Variants in BATF3 observed in about 807,000 individuals in gnomAD.
BATF3 encodes basic leucine zipper transcriptional factor ATF-like 3.
Under a neutral mutation model 16.1 loss-of-function variants are expected in BATF3, and 8 were observed. That is an observed-to-expected ratio of 0.50 (90% CI 0.29 to 0.90). The LOEUF is 0.90. BATF3 is among the 40% of genes least tolerant of loss of function. BATF3 has a pLI of 0.08. For missense variants in BATF3, 139 were observed against 167.0 expected, an observed-to-expected ratio of 0.83 and a Z score of 0.92; for synonymous variants, 74 against 72.7, an observed-to-expected ratio of 1.02 and a Z score of -0.09.
At chr1:212,688,355 C>G (rs1218040123) in intron 2 of BATF3, among the ~76,000 whole-genome samples, 4 of 152,136 alleles carry the variant, frequency 2.6e-5, no homozygotes, top group African/African-American at 9.7e-5. Flanking sequence ...GAGACCATGC[C>G]AAGGGCAAAT....
At chr1:212,697,771 A>G (rs1382014508) in intron 1 of BATF3, 2 of 152,224 alleles carry the variant, frequency 1.3e-5, no homozygotes, top group Non-Finnish European at 2.9e-5. Context: ...CTCAATAGTG[A>G]TCATGAAACA....
chr1:212,699,243 T>C lies in BATF3; in HGVS notation c.90+430A>G, dbSNP rs1223087260. Among the ~76,000 whole-genome samples the C allele has an allele frequency of 1.4e-5, 2 of 147,322 alleles. No individual in the cohort carries two copies. The highest frequency in any genetic ancestry group is 4.0e-4 in the East Asian group (2 of 5,014). On this transcript the variant is annotated intron_variant, in intron 1 of 2. Transcript: ENST00000243440. The surrounding 1 kb of genome is among the most constrained non-coding windows in gnomAD (Gnocchi z 4.4). ...AGGCTGACTAGTCCGGCGTTCTCCA[T>C]TCCCGCGGCAGCACCCCCCCCACCC...
rs1656857478 is a variant in BATF3 at position 212,686,684 on chromosome 1, G to A, written c.*107C>T. 2.6e-5 allele frequency: 38 copies of A among 1,445,550 alleles called. No homozygotes were observed. Among genetic ancestry groups the A allele is most frequent in the Non-Finnish European group, 3.5e-5 (38 of 1,098,310 alleles). 89.5% of individuals were successfully genotyped at this position (1,445,550 alleles called of 1,614,324 possible). ...TGGCTGGTCCTGGAGCTCCCAGGAG[G>A]AGGCCTGGCCACAGGTGCCCCCTGT... On this transcript the variant is annotated 3_prime_UTR_variant, in exon 3 of 3. Coordinates refer to ENST00000243440, the MANE Select transcript of BATF3 (RefSeq NM_018664.3).
At chr1:212,687,123 C>T (rs1656867549) in intron 2 of BATF3, 144 bp from the exon 3 acceptor site, 5 of 642,068 alleles carry the variant, frequency 7.8e-6, no homozygotes, top group Admixed American at 5.1e-5. Context: ...AGATATTTGT[C>T]TATTTGATGA....
At chr1:212,688,501 AG>A (rs1193017142) in intron 2 of BATF3, among the ~76,000 whole-genome samples, 1 of 152,230 alleles carries the variant, frequency 6.6e-6, no homozygotes, top group Non-Finnish European at 1.5e-5. Flanking sequence ...ATGGGGCTTA[AG>A]GGTAGGATTT....
chr1:212,697,122 G>A, intron 1 of BATF3, 57 bp from the exon 2 acceptor site: 1 of 1,377,274 alleles, frequency 7.3e-7, no homozygotes, highest in Non-Finnish European at 1.0e-6. Flanking sequence ...ACCCTTTTCT[G>A]CCCTGTCTCA....
chr1:212,699,639 C>G lies in BATF3; in HGVS notation c.90+34G>C. On this transcript the variant is annotated intron_variant, in intron 1 of 2. Transcript: ENST00000243440. This position sits in a 1 kb window ranked among gnomAD's most constrained non-coding sequence, Gnocchi z 4.4. ...CCCCCGCGGCGCGCCGGTCCCCGCACCCCACGGCCCTCCCTGAGCCTCTCG... is the reference window on the plus strand; with the variant it reads ...CCCCCGCGGCGCGCCGGTCCCCGCAGCCCACGGCCCTCCCTGAGCCTCTCG... 1.6e-6 allele frequency: 2 copies of G among 1,285,696 alleles called. No homozygotes were observed. Among genetic ancestry groups the G allele is most frequent in the African/African-American group, 1.5e-5 (1 of 64,692 alleles). 79.6% of individuals were successfully genotyped at this position (1,285,696 alleles called of 1,614,324 possible).
intron 2 of BATF3, among the ~76,000 whole-genome samples, chr1:212,692,509 C>T (rs1657023776): frequency 6.6e-6 from 1 of 152,170 alleles, no homozygotes; most frequent in South Asian, 2.1e-4. Context: ...GTGATCTCGG[C>T]TCACTGCAAC....
rs567901919 is a variant in BATF3, at chr1:212,689,218, C to T, written c.196-2239G>A. ...CCTCTCCTCTACCCCCTGCCTGATGCGCCACAGCACCAGCACCTACATGCT... is the reference window on the plus strand; with the variant it reads ...CCTCTCCTCTACCCCCTGCCTGATGTGCCACAGCACCAGCACCTACATGCT... On this transcript the variant is annotated intron_variant, in intron 2 of 2. Transcript: ENST00000243440. The surrounding 1 kb of genome is among the most constrained non-coding windows in gnomAD (Gnocchi z 4.6). Among the ~76,000 whole-genome samples, 26 of 152,336 alleles carry T rather than the reference C, an allele frequency of 1.7e-4. 1 individual carries two copies. The South Asian group carries it at 3.7e-3, about 22-fold the overall frequency.
rs1657201890 is a variant in BATF3 at position 212,699,223 on chromosome 1, G to A, written c.90+450C>T. ...TTTGTGGGTTCCCTCCGCCCAGGCT[G>A]ACTAGTCCGGCGTTCTCCATTCCCG... is the stretch of plus-strand genomic sequence containing the variant. On this transcript the variant is annotated intron_variant, in intron 1 of 2. Coordinates refer to ENST00000243440, the MANE Select transcript of BATF3 (RefSeq NM_018664.3). This position sits in a 1 kb window ranked among gnomAD's most constrained non-coding sequence, Gnocchi z 4.4. 6.6e-6 allele frequency among the ~76,000 whole-genome samples: 1 copy of A among 152,106 alleles called. No individual in the cohort carries two copies. Among genetic ancestry groups the A allele is most frequent in the Non-Finnish European group, 1.5e-5 (1 of 68,012 alleles).
Position 212,699,590 on chromosome 1 carries a change from G to T in BATF3, c.90+83C>A. ...CTGCACCTCCGCAGTCACCACCACG[G>T]AACTCCAGCACCCACCTCCTCGCCC... On this transcript the variant is annotated intron_variant, in intron 1 of 2. Coordinates refer to ENST00000243440, the MANE Select transcript of BATF3 (RefSeq NM_018664.3). The surrounding 1 kb of genome is among the most constrained non-coding windows in gnomAD (Gnocchi z 4.4). 1 of 1,139,144 alleles carries T rather than the reference G, an allele frequency of 8.8e-7. No homozygotes were observed. The highest frequency in any genetic ancestry group is 1.1e-6 in the Non-Finnish European group (1 of 897,898). The allele number at this position is 1,139,144 out of a possible 1,614,324, so 70.6% of individuals were successfully genotyped here. A position where few individuals can be genotyped will look rare whatever the true frequency, so the allele number is the denominator to read the frequency against.
chr1:212,690,005 TCA>T (rs1656964806), intron 2 of BATF3, among the ~76,000 whole-genome samples: 1 of 150,360 alleles, frequency 6.7e-6, no homozygotes, highest in Admixed American at 6.6e-5. Flanking sequence ...TACATACACC[TCA>T]CACAGTCACA....
At chr1:212,690,646 G>A (rs543106149) in intron 2 of BATF3, among the ~76,000 whole-genome samples, 5 of 152,252 alleles carry the variant, frequency 3.3e-5, no homozygotes, top group East Asian at 1.9e-4. Flanking sequence ...TGGAGTAAAC[G>A]CAAACAAAAA....
rs1428360998 is a variant in BATF3, at chr1:212,697,477, T to C, written c.91-412A>G. 10 of 43,448 alleles carry C rather than the reference T, an allele frequency of 2.3e-4. No individual in the cohort carries two copies. In the South Asian group the frequency reaches 7.9e-3, roughly 35 times the overall value. 2.7% of individuals were successfully genotyped at this position (43,448 alleles called of 1,614,324 possible). A position where few individuals can be genotyped will look rare whatever the true frequency, so the allele number is the denominator to read the frequency against. On this transcript the variant is annotated intron_variant, in intron 1 of 2. Transcript: ENST00000243440. ...CTGAGACTGGAAAGCTGGGTGGGGG[T>C]GGGGGGCGGTGGAGAGATCTGCTAT...
chr1:212,697,316 T>C, intron 1 of BATF3: 1 of 384,696 alleles, frequency 2.6e-6, no homozygotes, highest in Non-Finnish European at 4.8e-6. Context: ...GTTAAGGACC[T>C]TGCTCCAGGT....
intron 2 of BATF3, among the ~76,000 whole-genome samples, chr1:212,687,209 G>T (rs1656870957): frequency 6.6e-6 from 1 of 152,156 alleles, no homozygotes; most frequent in African/African-American, 2.4e-5. Flanking sequence ...TCTATTTTAA[G>T]TATGATCCAG....
chr1:212,686,907 G>A lies in BATF3; in HGVS notation c.268C>T (p.His90Tyr), dbSNP rs760163247. Residue 90 changes from histidine to tyrosine, a missense_variant, in exon 3 of 3, where the codon CAC becomes TAC. By Grantham distance (83) the His-to-Tyr change is moderately conservative (BLOSUM62 2). Transcript: ENST00000243440. ...EIGKLTEELK[H>Y]LTEALKEHEK... ...TGCTCCTTCAGTGCCTCTGTCAGGT[G>A]CTTCAGCTCCTCTGTCAGCTTCCCG... The A allele has an allele frequency of 2.5e-6, 4 of 1,614,192 alleles. No individual in the cohort carries two copies. The highest frequency in any genetic ancestry group is 3.4e-6 in the Non-Finnish European group (4 of 1,180,020).
chr1:212,699,742 G>C lies in BATF3; in HGVS notation c.21C>G (p.Ala7=). The C allele has an allele frequency of 7.7e-7, 1 of 1,300,252 alleles. No individual in the cohort carries two copies. Among genetic ancestry groups the C allele is most frequent in the Non-Finnish European group, 9.8e-7 (1 of 1,021,704 alleles). The allele number at this position is 1,300,252 out of a possible 1,614,324, so 80.5% of individuals were successfully genotyped here. A position where few individuals can be genotyped will look rare whatever the true frequency, so the allele number is the denominator to read the frequency against. The stretch of plus-strand genomic sequence containing the variant: ...CGCTCCTCTGCAGGACGCTGCCGGC[G>C]GCCGGGAGCCCTTGCGACATGCCGG... MSQGLP[A]AGSVLQRSVA... The change falls in exon 1 of 3, where the codon GCC becomes GCG. Residue 7 remains alanine, a synonymous_variant. Coordinates refer to ENST00000243440, the MANE Select transcript of BATF3 (RefSeq NM_018664.3). This position sits in a 1 kb window ranked among gnomAD's most constrained non-coding sequence, Gnocchi z 4.4.
rs1656857838 is a variant in BATF3, at chr1:212,686,703, C to T, written c.*88G>A. The T allele has an allele frequency of 6.8e-6, 10 of 1,481,206 alleles. No individual in the cohort carries two copies. Among genetic ancestry groups the T allele is most frequent in the Non-Finnish European group, 9.0e-6 (10 of 1,114,344 alleles). 91.8% of individuals were successfully genotyped at this position (1,481,206 alleles called of 1,614,324 possible). ...CAGGAGGAGGCCTGGCCACAGGTGC[C>T]CCCTGTATACAATTGTGAAGGAAAA... On this transcript the variant is annotated 3_prime_UTR_variant, in exon 3 of 3. Transcript: ENST00000243440.
Sources: gnomAD v4.1 joint callset for allele counts (sites outside exome capture counted in the v4.1 genomes callset) on GRCh38, gnomAD v4.1.1 for gene constraint, Gnocchi (gnomAD v3.1) non-coding constraint, MANE v1.5 for transcripts, NCBI Gene and HGNC (gene_info 2026-07-23, HGNC 2026-07-21) for gene names.